The following ADAT1 variants were observed in gnomAD, a reference collection of about 807,000 sequenced individuals.
ADAT1 encodes the protein adenosine deaminase tRNA specific 1.
Under a neutral mutation model 58.6 loss-of-function variants are expected in ADAT1, and 58 were observed. The ratio of observed to expected loss-of-function variants is 0.99; its 90% CI spans 0.80 to 1.23. The LOEUF (loss-of-function observed/expected upper bound fraction) is 1.23, where lower values mean the gene tolerates loss of function less well. ADAT1 is among the 50% of genes most tolerant of loss of function. The pLI, the probability that ADAT1 is intolerant of heterozygous loss-of-function variation, is 0.00. For missense variants in ADAT1, 741 were observed against 608.6 expected, an observed-to-expected ratio of 1.22 and a Z score of -2.29; for synonymous variants, 254 against 220.8, an observed-to-expected ratio of 1.15 and a Z score of -1.33.
intron 9 of ADAT1, chr16:75,602,040 C>T (rs1454407341): frequency 6.6e-6 from 1 of 151,974 alleles, no homozygotes; most frequent in Admixed American, 6.6e-5. Flanking sequence ...TCTGTTTAAC[C>T]AGGTGACTCA....
rs2081622565 is a variant in ADAT1 at position 75,613,817 on chromosome 16, A to G, written c.425-956T>C. On this transcript the variant is annotated intron_variant, in intron 5 of 9. Transcript: ENST00000564657. ...ACTGAGAACCACTGGCTTAGAATGA[A>G]CAAGGTTTCCCAAGTGCATTTTGTG... 2.6e-5 allele frequency among the ~76,000 whole-genome samples: 4 copies of G among 152,218 alleles called. No individual in the cohort carries two copies. In the South Asian group the frequency reaches 8.3e-4, roughly 32 times the overall value.
At position 75,597,474 on chromosome 16, in the gene ADAT1, C is replaced by A. The variant is rs1483935533; in HGVS notation, c.*2742G>T. ...TCTTCCTTAGAGCAGCAGTCCCCAA[C>A]CTTTTTGGCACCAGGGACTGGTTTC... On this transcript the variant is annotated 3_prime_UTR_variant, in exon 10 of 10. Transcript: ENST00000564657. 2.5e-6 allele frequency: 1 copy of A among 406,222 alleles called. No homozygotes were observed. The highest frequency in any genetic ancestry group is 5.0e-6 in the Non-Finnish European group (1 of 200,632). The allele number at this position is 406,222 out of a possible 1,614,324, so 25.2% of individuals were successfully genotyped here.
chr16:75,610,929 C>T (rs2081512308), intron 6 of ADAT1, among the ~76,000 whole-genome samples: 1 of 152,068 alleles, frequency 6.6e-6, no homozygotes, highest in South Asian at 2.1e-4. Flanking sequence ...CTGGGTAACC[C>T]AATAACACCC....
At chr16:75,603,352 ACG>A (rs1315272737) in intron 8 of ADAT1, among the ~76,000 whole-genome samples, 181 bp from the exon 9 acceptor site, 1 of 152,188 alleles carries the variant, frequency 6.6e-6, no homozygotes, top group East Asian at 1.9e-4. Context: ...AGGTATAAAA[ACG>A]AGTCTAACCT....
At chr16:75,609,040 G>A in intron 6 of ADAT1, 52 bp from the exon 7 acceptor site, 2 of 1,601,606 alleles carry the variant, frequency 1.2e-6, no homozygotes, top group Non-Finnish European at 1.7e-6. Context: ...AGAGAAAACA[G>A]TATCTAGGAT....
intron 8 of ADAT1, among the ~76,000 whole-genome samples, chr16:75,606,007 T>C (rs1288273238): frequency 4.0e-5 from 6 of 148,898 alleles, no homozygotes. Flanking sequence ...ATTATCATTC[T>C]TTTGGGTTTT....
At chr16:75,612,987 C>G in intron 5 of ADAT1, 126 bp from the exon 6 acceptor site, 1 of 1,187,916 alleles carries the variant, frequency 8.4e-7, no homozygotes, top group Non-Finnish European at 1.2e-6. Context: ...CCTGCTGAAT[C>G]AGAAACTCCG....
rs2081591047 is a variant in ADAT1 at position 75,612,864 on chromosome 16, G to A, written c.425-3C>T. ...CGGAATGATGGAGGCATCCCCACCT[G>A]CAGAGAATGAACCCACTTAAACAAA... is the stretch of plus-strand genomic sequence containing the variant. On this transcript the variant is annotated splice_region_variant and splice_polypyrimidine_tract_variant and intron_variant, in intron 5 of 9. Coordinates refer to ENST00000564657, the MANE Select transcript of ADAT1 (RefSeq NM_001324445.2). 3.7e-6 allele frequency: 6 copies of A among 1,612,298 alleles called. No individual in the cohort carries two copies. Among genetic ancestry groups the A allele is most frequent in the Non-Finnish European group, 4.2e-6 (5 of 1,179,238 alleles).
intron 3 of ADAT1, among the ~76,000 whole-genome samples, chr16:75,619,008 C>G (rs977328610): frequency 6.6e-6 from 1 of 152,134 alleles, no homozygotes; most frequent in Non-Finnish European, 1.5e-5. Flanking sequence ...TGCAAATCAC[C>G]CCCAGGTGAG....
In ADAT1 at chr16:75,612,278, G is replaced by C. The variant is rs149199209; in HGVS notation, c.1008C>G (p.Tyr336Ter). Residue 336 changes from tyrosine to a stop codon, truncating the protein, a stop_gained, in exon 6 of 10, where the codon TAC (tyrosine) becomes TAG (stop). Coordinates refer to ENST00000564657, the MANE Select transcript of ADAT1 (RefSeq NM_001324445.2). LOFTEE classifies it high-confidence loss of function. The part of the protein sequence containing the change: ...LSAVVIGKCP[Y>*]SQEAMQRALI... ...GTGCTCTCTGCATGGCTTCCTGGCT[G>C]TATGGGCACTTCCCAATGACCACAG... 6.2e-7 allele frequency: 1 copy of C among 1,614,020 alleles called. No individual in the cohort carries two copies. The highest frequency in any genetic ancestry group is 8.5e-7 in the Non-Finnish European group (1 of 1,180,038).
chr16:75,607,500 T>TAA (rs2081402311), intron 8 of ADAT1, among the ~76,000 whole-genome samples: 1 of 112,684 alleles, frequency 8.9e-6, no homozygotes. Flanking sequence ...AGACTCTATC[T>TAA]CAAAAAAAAA....
At chr16:75,614,357 G>A (rs2151769596) in intron 5 of ADAT1, among the ~76,000 whole-genome samples, 1 of 152,226 alleles carries the variant, frequency 6.6e-6, no homozygotes, top group South Asian at 2.1e-4. Context: ...AGAGATTTCT[G>A]ACCTCCTCTG....
At chr16:75,608,751 A>G (rs373317717) in intron 7 of ADAT1, 92 bp downstream of exon 7, 1 of 1,487,348 alleles carries the variant, frequency 6.7e-7, no homozygotes, top group African/African-American at 1.4e-5. Context: ...GTGGTGAACT[A>G]CCTTCCTAGG....
chr16:75,600,597 T>TCCAAGCA (rs2081201590), intron 9 of ADAT1, among the ~76,000 whole-genome samples: 1 of 152,214 alleles, frequency 6.6e-6, no homozygotes, highest in Non-Finnish European at 1.5e-5. Flanking sequence ...ATGCATTCTC[T>TCCAAGCA]GCAAGCCTGG....
At chr16:75,611,735 G>T (rs1243570336) in intron 6 of ADAT1, among the ~76,000 whole-genome samples, 3 of 151,186 alleles carry the variant, frequency 2.0e-5, no homozygotes, top group African/African-American at 7.3e-5. Flanking sequence ...CCTATTACTG[G>T]GCATTTCAGT....
intron 1 of ADAT1, among the ~76,000 whole-genome samples, chr16:75,621,103 A>T (rs1008993296): frequency 6.6e-6 from 1 of 151,892 alleles, no homozygotes; most frequent in African/African-American, 2.4e-5. Flanking sequence ...TCCTCTACTC[A>T]ACATTAAAGG....
In ADAT1 at chr16:75,612,484, C is replaced by A; in HGVS notation, c.802G>T (p.Ala268Ser). The A allele has an allele frequency of 6.2e-7, 1 of 1,614,198 alleles. No homozygotes were observed. Among genetic ancestry groups the A allele is most frequent in the Admixed American group, 1.7e-5 (1 of 60,022 alleles). ...GCACCCGGCTTTCCGGAGTCTCCAG[C>A]TTCTCCAGGTACACACTTGGCTCCA... ...RTGAKCVPGEAGDSGKPGAAF... is the reference protein window; with the variant it reads ...RTGAKCVPGESGDSGKPGAAF... Residue 268 changes from alanine (A) to serine (S), a missense_variant, in exon 6 of 10, where the codon GCT becomes TCT. Transcript: ENST00000564657.
Position 75,612,751 on chromosome 16 carries a change from C to G in ADAT1, c.535G>C (p.Ala179Pro). ...SSVEASSNLE[A>P]PGNERKCEDP... The stretch of plus-strand genomic sequence containing the variant: ...TCACATTTTCTTTCATTTCCAGGAG[C>G]TTCCAGGTTACTACTGGCTTCTACT... The change falls in exon 6 of 10, where the codon GCT becomes CCT. Residue 179 changes from alanine to proline, a missense_variant. By Grantham distance (27) the Ala-to-Pro change is conservative. Coordinates refer to ENST00000564657, the MANE Select transcript of ADAT1 (RefSeq NM_001324445.2). 4 of 1,614,102 alleles carry G rather than the reference C, an allele frequency of 2.5e-6. No individual in the cohort carries two copies. Among genetic ancestry groups the G allele is most frequent in the Non-Finnish European group, 3.4e-6 (4 of 1,180,028 alleles).
chr16:75,620,664 T>C lies in ADAT1; in HGVS notation c.136A>G (p.Lys46Glu), dbSNP rs1236848602. 2 of 1,613,674 alleles carry C rather than the reference T, an allele frequency of 1.2e-6. No individual in the cohort carries two copies. Among genetic ancestry groups the C allele is most frequent in the East Asian group, 2.2e-5 (1 of 44,896 alleles). The change falls in exon 2 of 10, where the codon AAG (lysine) becomes GAG (glutamate). Residue 46 changes from lysine (K) to glutamate (E), a missense_variant. Coordinates refer to ENST00000564657, the MANE Select transcript of ADAT1 (RefSeq NM_001324445.2). ...AVVKIQSPAD[K>E]ACDTPDKPVQ... ...GGCTTATCAGGGGTGTCGCAGGCCTTGTCAGCTGGAGATTGTATCTTCACC... is the reference window on the plus strand; with the variant it reads ...GGCTTATCAGGGGTGTCGCAGGCCTCGTCAGCTGGAGATTGTATCTTCACC...
Sources: allele counts gnomAD v4.1 joint callset (sites outside exome capture counted in the v4.1 genomes callset), GRCh38; gene constraint gnomAD v4.1.1; transcripts MANE v1.5; gene names NCBI Gene and HGNC (gene_info 2026-07-23, HGNC 2026-07-21).